The following GRIP1 variants were observed in gnomAD, a reference collection of about 807,000 sequenced individuals.
GRIP1 encodes glutamate receptor interacting protein 1, also known as glutamate receptor-interacting protein 1.
Under a neutral mutation model 129.9 loss-of-function variants are expected in GRIP1, and 45 were observed. The ratio of observed to expected loss-of-function variants is 0.35; its 90% CI spans 0.27 to 0.44. GRIP1 has a LOEUF of 0.44. Among genes scored for constraint, GRIP1 ranks in the 20% least tolerant of loss-of-function variants. GRIP1 has a pLI of 1.00. For synonymous variants in GRIP1, 530 were observed against 520.8 expected, an observed-to-expected ratio of 1.02 and a Z score of -0.24; for missense variants, 1,196 against 1,396.8, an observed-to-expected ratio of 0.86 and a Z score of 2.29.
At chr12:66,942,818 G>A (rs192061700) in intron 1 of GRIP1, among the ~76,000 whole-genome samples, 3 of 152,320 alleles carry the variant, frequency 2.0e-5, no homozygotes, top group Admixed American at 6.5e-5. Flanking sequence ...GGTCATGAGA[G>A]TAGAACCCTC....
chr12:66,456,445 A>T (rs2058967288), intron 9 of GRIP1, 103 bp from the exon 10 acceptor site: 2 of 572,400 alleles, frequency 3.5e-6, no homozygotes, highest in Non-Finnish European at 5.4e-6. Context: ...AAAGTATAAC[A>T]AAAAAGAAAG....
intron 1 of GRIP1, among the ~76,000 whole-genome samples, chr12:66,657,514 A>C (rs2033236179): frequency 1.3e-5 from 2 of 152,222 alleles, no homozygotes; most frequent in African/African-American, 4.8e-5. Context: ...TCATCATCTT[A>C]GATAAAATAG....
chr12:66,651,201 C>A (rs560212222), intron 1 of GRIP1, among the ~76,000 whole-genome samples: 1 of 152,238 alleles, frequency 6.6e-6, no homozygotes, highest in African/African-American at 2.4e-5. Context: ...ATATTAAGCA[C>A]CAAGAAAAGA....
At chr12:66,977,976 C>T (rs867931308) in intron 1 of GRIP1, among the ~76,000 whole-genome samples, 6 of 151,680 alleles carry the variant, frequency 4.0e-5, no homozygotes, top group African/African-American at 1.5e-4. Flanking sequence ...CCATAACTGG[C>T]TAAGTTTTTT....
intron 1 of GRIP1, among the ~76,000 whole-genome samples, chr12:66,942,517 T>C (rs1294879481): frequency 6.6e-6 from 1 of 152,204 alleles, no homozygotes; most frequent in Admixed American, 6.5e-5. Context: ...CAATAAGGTA[T>C]ATTTTAAATA....
At chr12:66,769,244 C>A in intron 1 of GRIP1, among the ~76,000 whole-genome samples, 4 of 125,350 alleles carry the variant, frequency 3.2e-5, no homozygotes, top group East Asian at 4.5e-4. Flanking sequence ...TTTTTTTTTA[C>A]TTTAGCCTTT....
intron 1 of GRIP1, among the ~76,000 whole-genome samples, chr12:66,688,613 C>T (rs1357871548): frequency 6.6e-6 from 1 of 152,020 alleles, no homozygotes; most frequent in East Asian, 1.9e-4. Flanking sequence ...CTCATAATAT[C>T]TTGTCTTCCT....
Position 66,539,093 on chromosome 12 carries a change from C to T in GRIP1, c.403G>A (p.Glu135Lys), listed in dbSNP as rs185855441. 6.2e-6 allele frequency: 10 copies of T among 1,613,816 alleles called. No homozygotes were observed. The African/African-American group carries it at 6.7e-5, about 11-fold the overall frequency. The part of the protein sequence containing the change: ...GERVVLEVEY[E>K]LPPVSVQGSS... The stretch of plus-strand genomic sequence containing the variant: ...CTGTACTTACAGACCGGTGGAAGCT[C>T]GTACTCTACTTCAAGAACCACTCTT... The change falls in exon 4 of 25, where the codon GAG becomes AAG. Residue 135 changes from glutamate to lysine, a missense_variant. Around this residue, in one of 5 missense-constraint regions of GRIP1, gnomAD observed 217 missense variants for 224.8 expected, o/e 0.97. Transcript: ENST00000359742.
At chr12:66,923,269 T>G (rs2041242749) in intron 1 of GRIP1, among the ~76,000 whole-genome samples, 1 of 152,156 alleles carries the variant, frequency 6.6e-6, no homozygotes, top group African/African-American at 2.4e-5. Flanking sequence ...TCACTTGAAC[T>G]GGGAAAGTCG....
At chr12:66,610,446 C>T (rs908539974) in intron 1 of GRIP1, among the ~76,000 whole-genome samples, 1 of 152,106 alleles carries the variant, frequency 6.6e-6, no homozygotes, top group South Asian at 2.1e-4. Flanking sequence ...GGGCAAAAGT[C>T]GGAAACCACC....
chr12:66,837,238 A>G (rs1290917705), intron 1 of GRIP1, among the ~76,000 whole-genome samples: 1 of 152,254 alleles, frequency 6.6e-6, no homozygotes, highest in Non-Finnish European at 1.5e-5. Context: ...TAAATAAGAC[A>G]CTGTTCTAAT....
chr12:67,008,132 C>T (rs1040037278), intron 1 of GRIP1, among the ~76,000 whole-genome samples: 3 of 152,052 alleles, frequency 2.0e-5, no homozygotes, highest in African/African-American at 7.2e-5. Flanking sequence ...GACAGAATAC[C>T]ATCAAATCCC....
At chr12:67,048,012 T>C (rs2043281152) in intron 1 of GRIP1, among the ~76,000 whole-genome samples, 1 of 152,200 alleles carries the variant, frequency 6.6e-6, no homozygotes. Flanking sequence ...TCCCCAAATA[T>C]GTATTAGACA....
chr12:66,473,718 T>A (rs2059515598), intron 7 of GRIP1, among the ~76,000 whole-genome samples: 1 of 152,114 alleles, frequency 6.6e-6, no homozygotes, highest in Non-Finnish European at 1.5e-5. Context: ...CAGCAAACTC[T>A]AGCAGACCTG....
chr12:66,889,833 G>T (rs1423409734), intron 1 of GRIP1, among the ~76,000 whole-genome samples: 7 of 152,152 alleles, frequency 4.6e-5, no homozygotes, highest in African/African-American at 1.7e-4. Flanking sequence ...CTGATCGAGT[G>T]CCTAATATAT....
In GRIP1 at chr12:66,635,586, C is replaced by T. The variant is rs1229351079; in HGVS notation, c.56-38659G>A. 2.0e-5 allele frequency among the ~76,000 whole-genome samples: 3 copies of T among 151,940 alleles called. No homozygotes were observed. The East Asian group carries it at 5.8e-4, about 29-fold the overall frequency. ...AAGATAAGGAATCATCAAAAGAAAA[C>T]ATCGTAAATTCCATTATATTAAGGG... is the stretch of plus-strand genomic sequence containing the variant. On this transcript the variant is annotated intron_variant, in intron 1 of 24. Coordinates refer to ENST00000359742, the MANE Select transcript of GRIP1 (RefSeq NM_001366722.1).
At chr12:66,607,318 G>A (rs922960878) in intron 1 of GRIP1, among the ~76,000 whole-genome samples, 2 of 152,134 alleles carry the variant, frequency 1.3e-5, no homozygotes, top group Non-Finnish European at 2.9e-5. Flanking sequence ...GAAGCTCCAA[G>A]CATTTTAGAA....
intron 1 of GRIP1, among the ~76,000 whole-genome samples, chr12:66,620,080 A>G (rs2065203437): frequency 6.6e-6 from 1 of 152,212 alleles, no homozygotes; most frequent in Non-Finnish European, 1.5e-5. Flanking sequence ...AGAGGCATTA[A>G]GCTACCTGCT....
At chr12:66,779,436 T>C (rs559754419) in intron 1 of GRIP1, among the ~76,000 whole-genome samples, 1 of 152,344 alleles carries the variant, frequency 6.6e-6, no homozygotes, top group South Asian at 2.1e-4. Flanking sequence ...ATGGGGTAGA[T>C]TTTATGTTAT....
Sources: gnomAD v4.1 joint callset for allele counts (sites outside exome capture counted in the v4.1 genomes callset) on GRCh38, gnomAD v4.1.1 for gene constraint, gnomAD v4.1.1 regional missense constraint, MANE v1.5 for transcripts, NCBI Gene and HGNC (gene_info 2026-07-23, HGNC 2026-07-21) for gene names.